Variants in TNRC6A observed in about 807,000 individuals in gnomAD.
The protein encoded by TNRC6A is trinucleotide repeat-containing gene 6A protein.
TNRC6A carries 44 observed loss-of-function variants against 221.2 expected under a neutral mutation model. The ratio of observed to expected loss-of-function variants is 0.20; its 90% CI spans 0.16 to 0.26. The LOEUF is 0.26. TNRC6A is among the 10% of genes least tolerant of loss of function. The pLI is 1.00. For missense variants in TNRC6A, 2,199 were observed against 2,404.4 expected (o/e 0.91, Z 1.79); for synonymous variants, 847 against 838.5 (o/e 1.01, Z -0.18).
chr16:24,813,179 G>A (rs923584022), intron 18 of TNRC6A, among the ~76,000 whole-genome samples: 3 of 151,958 alleles, frequency 2.0e-5, no homozygotes, highest in African/African-American at 7.2e-5. Context: ...GCCTTGCCTT[G>A]TTTTATTTTA....
chr16:24,669,314 C>T (rs1182501422), intron 2 of TNRC6A, among the ~76,000 whole-genome samples: 1 of 152,078 alleles, frequency 6.6e-6, no homozygotes, highest in African/African-American at 2.4e-5. Flanking sequence ...GCCTGAGCAA[C>T]ATAGTCTCTA....
At chr16:24,673,849 T>C (rs1204500156) in intron 2 of TNRC6A, among the ~76,000 whole-genome samples, 4 of 152,296 alleles carry the variant, frequency 2.6e-5, no homozygotes, top group East Asian at 3.9e-4. Flanking sequence ...TAAGCCACCA[T>C]GTCCGGCCTC....
chr16:24,762,152 G>A (rs529266502), intron 4 of TNRC6A, among the ~76,000 whole-genome samples: 1 of 152,182 alleles, frequency 6.6e-6, no homozygotes, highest in South Asian at 2.1e-4. Flanking sequence ...GCGAAGTTTA[G>A]TTTATTACTG....
chr16:24,806,223 G>A lies in TNRC6A; in HGVS notation c.4269G>A (p.Gln1423=). ...TCCTCTAGCGATTGTTAGCGCAGCA[G>A]CAAAGGGCGCAGAGTCAGAGAAGCG... is the stretch of plus-strand genomic sequence containing the variant. ...ISQLQRLLAQ[Q]QRAQSQRSVP... Residue 1423 remains glutamine, a synonymous_variant, in exon 16 of 25, where the codon CAG becomes CAA. Transcript: ENST00000395799. 1 of 1,614,210 alleles carries A rather than the reference G, an allele frequency of 6.2e-7. No homozygotes were observed. Among genetic ancestry groups the A allele is most frequent in the East Asian group, 2.2e-5 (1 of 44,894 alleles).
chr16:24,710,225 C>CA (rs57375431), intron 2 of TNRC6A, among the ~76,000 whole-genome samples: 413 of 129,426 alleles, frequency 3.2e-3, no homozygotes, highest in Middle Eastern at 8.5e-3. Flanking sequence ...AACTTCATCT[C>CA]AAAAAAAAAA....
At chr16:24,809,209 A>G (rs562362170) in intron 17 of TNRC6A, 141 bp from the exon 18 acceptor site, 1 of 736,236 alleles carries the variant, frequency 1.4e-6, no homozygotes, top group East Asian at 3.5e-5. Flanking sequence ...AATATTTTCT[A>G]CGTATAACTA....
intron 1 of TNRC6A, among the ~76,000 whole-genome samples, chr16:24,626,086 A>T (rs545862276): frequency 6.6e-6 from 1 of 152,188 alleles, no homozygotes; most frequent in South Asian, 2.1e-4. Flanking sequence ...CATGATGCTG[A>T]GGTTTGGAGT....
At chr16:24,699,447 A>C (rs2055925686) in intron 2 of TNRC6A, among the ~76,000 whole-genome samples, 1 of 152,158 alleles carries the variant, frequency 6.6e-6, no homozygotes, top group Admixed American at 6.6e-5. Flanking sequence ...ACCAGGCACG[A>C]TGTCTCACAC....
At chr16:24,736,732 G>A (rs1032477688) in intron 2 of TNRC6A, among the ~76,000 whole-genome samples, 1 of 152,280 alleles carries the variant, frequency 6.6e-6, no homozygotes, top group Admixed American at 6.5e-5. Context: ...TAACCGAAAG[G>A]TTATCCAATA....
At chr16:24,643,111 A>ATATATATTTTT (rs1567319510) in intron 2 of TNRC6A, among the ~76,000 whole-genome samples, 14 of 30,444 alleles carry the variant, frequency 4.6e-4, no homozygotes, top group Non-Finnish European at 6.2e-4. Flanking sequence ...TATATATAAA[A>ATATATATTTTT]TATATATATA....
At chr16:24,669,200 C>A (rs1297209393) in intron 2 of TNRC6A, among the ~76,000 whole-genome samples, 2 of 152,116 alleles carry the variant, frequency 1.3e-5, no homozygotes, top group Non-Finnish European at 1.5e-5. Context: ...ATCATCTGTA[C>A]AATCTCTTCT....
At chr16:24,704,286 G>T (rs186529133) in intron 2 of TNRC6A, among the ~76,000 whole-genome samples, 4 of 151,964 alleles carry the variant, frequency 2.6e-5, no homozygotes, top group Non-Finnish European at 2.9e-5. Flanking sequence ...GAGACTGGTG[G>T]GGGGCGGGAG....
chr16:24,820,316 G>C lies in TNRC6A; in HGVS notation c.5258G>C (p.Arg1753Pro), dbSNP rs1436168167. The change falls in exon 22 of 25, where the codon CGT becomes CCT. Residue 1753 changes from arginine (R) to proline (P), a missense_variant. Physicochemically the swap from Arg to Pro is moderately radical, Grantham distance 103. This residue lies in a region of TNRC6A where 449 missense variants were observed against 579.7 expected (regional missense o/e 0.77). Transcript: ENST00000395799. ...PLSTWDNSPLRIGGGWGNSDA... is the reference protein window; with the variant it reads ...PLSTWDNSPLPIGGGWGNSDA... ...TCTACGTGGGATAATTCTCCCCTTC[G>C]TATAGGTGGAGGATGGGGAAATTCT... is the stretch of plus-strand genomic sequence containing the variant. 1 of 1,614,192 alleles carries C rather than the reference G, an allele frequency of 6.2e-7. No individual in the cohort carries two copies. Among genetic ancestry groups the C allele is most frequent in the Admixed American group, 1.7e-5 (1 of 60,028 alleles).
chr16:24,615,587 A>C (rs965814323), intron 1 of TNRC6A, among the ~76,000 whole-genome samples: 1 of 152,204 alleles, frequency 6.6e-6, no homozygotes. Flanking sequence ...AGAGGGCAGA[A>C]TATTTCAGGA....
At position 24,791,144 on chromosome 16, in the gene TNRC6A, G is replaced by T. The variant is rs2058091646; in HGVS notation, c.2502G>T (p.Lys834Asn). ...AGGCTGCATGGAATGACTCGCAAAAGAATAAACAGGGATGGGGTGATGGAC... is the reference window on the plus strand; with the variant it reads ...AGGCTGCATGGAATGACTCGCAAAATAATAAACAGGGATGGGGTGATGGAC... ...EEKAAWNDSQ[K>N]NKQGWGDGQK... is the part of the protein sequence containing the mutation. Residue 834 changes from lysine to asparagine, a missense_variant, in exon 6 of 25, where the codon AAG becomes AAT. Lys to Asn is a moderately conservative substitution (Grantham distance 94). Coordinates refer to ENST00000395799, the MANE Select transcript of TNRC6A (RefSeq NM_014494.4). The T allele has an allele frequency of 6.2e-7, 1 of 1,614,130 alleles. No homozygotes were observed. Among genetic ancestry groups the T allele is most frequent in the South Asian group, 1.1e-5 (1 of 91,064 alleles).
intron 13 of TNRC6A, 56 bp downstream of exon 13, chr16:24,804,907 G>A: frequency 1.2e-6 from 2 of 1,613,488 alleles, no homozygotes; most frequent in Non-Finnish European, 1.7e-6. Flanking sequence ...TTAGTAATAA[G>A]ATCTCTCTTA....
intron 2 of TNRC6A, chr16:24,664,140 T>C (rs2055094858): frequency 3.2e-6 from 1 of 310,466 alleles, no homozygotes; most frequent in African/African-American, 2.2e-5. Flanking sequence ...GAGACCAGCC[T>C]GGCCAACACG....
At chr16:24,621,670 C>T (rs1900683533) in intron 1 of TNRC6A, among the ~76,000 whole-genome samples, 1 of 151,908 alleles carries the variant, frequency 6.6e-6, no homozygotes, top group Non-Finnish European at 1.5e-5. Context: ...CCTTTCTTAG[C>T]TAGATCATTG....
At chr16:24,801,729 C>T (rs912007352) in intron 11 of TNRC6A, among the ~76,000 whole-genome samples, 4 of 152,226 alleles carry the variant, frequency 2.6e-5, no homozygotes, top group South Asian at 2.1e-4. Context: ...CCTGCCTCGG[C>T]CTCCCAAAGC....
Sources: gnomAD v4.1 joint callset for allele counts (sites outside exome capture counted in the v4.1 genomes callset) on GRCh38, gnomAD v4.1.1 for gene constraint, gnomAD v4.1.1 regional missense constraint, MANE v1.5 for transcripts, NCBI Gene and HGNC (gene_info 2026-07-23, HGNC 2026-07-21) for gene names.